The following SFMBT2 variants were observed in gnomAD, a reference collection of about 807,000 sequenced individuals.
The protein encoded by SFMBT2 is scm-like with four MBT domains protein 2.
SFMBT2 carries 38 observed loss-of-function variants against 110.1 expected under a neutral mutation model. That is an observed-to-expected ratio of 0.35 (90% confidence interval 0.27 to 0.45). The LOEUF is 0.45. Ranked by LOEUF, SFMBT2 falls within the 20% of genes least tolerant of loss-of-function variation. The pLI, the probability that SFMBT2 is intolerant of heterozygous loss-of-function variation, is 1.00. For missense variants in SFMBT2, 1,011 were observed against 1,094.9 expected (o/e 0.92, Z 1.08); for synonymous variants, 425 against 425.4 (o/e 1.00, Z 0.01).
chr10:7,233,425 C>T (rs1307972433), intron 9 of SFMBT2, among the ~76,000 whole-genome samples: 2 of 152,290 alleles, frequency 1.3e-5, no homozygotes, highest in South Asian at 2.1e-4. Context: ...GATCTCACTA[C>T]TGCAGAGCAA....
intron 4 of SFMBT2, among the ~76,000 whole-genome samples, chr10:7,358,094 C>A (rs965753109): frequency 6.0e-5 from 9 of 150,414 alleles, no homozygotes; most frequent in Middle Eastern, 3.4e-3. Flanking sequence ...TCTGCATGGC[C>A]CTGTGACATC....
intron 10 of SFMBT2, among the ~76,000 whole-genome samples, chr10:7,223,159 C>T (rs1839800463): frequency 6.6e-6 from 1 of 152,176 alleles, no homozygotes; most frequent in Admixed American, 6.5e-5. Context: ...AGAGATGGGA[C>T]CGCTAGACCA....
intron 1 of SFMBT2, among the ~76,000 whole-genome samples, chr10:7,388,659 A>G (rs924300889): frequency 6.6e-5 from 10 of 151,034 alleles, no homozygotes; most frequent in Non-Finnish European, 1.0e-4. Context: ...TATAGACATG[A>G]GCCACCACAC....
At chr10:7,174,831 A>C (rs1440431215) in intron 17 of SFMBT2, among the ~76,000 whole-genome samples, 2 of 152,214 alleles carry the variant, frequency 1.3e-5, no homozygotes, top group Non-Finnish European at 1.5e-5. Flanking sequence ...CTGCTGGGCC[A>C]ACACACCTGC....
chr10:7,344,735 G>C (rs1456131809), intron 4 of SFMBT2, among the ~76,000 whole-genome samples: 7 of 152,150 alleles, frequency 4.6e-5, no homozygotes, highest in Admixed American at 2.6e-4. Flanking sequence ...GGGAGGCCAA[G>C]AAGGGTGGAT....
intron 14 of SFMBT2, chr10:7,197,952 A>G (rs1715756773): frequency 2.0e-6 from 2 of 978,182 alleles, no homozygotes; most frequent in Non-Finnish European, 2.4e-6. Flanking sequence ...AAAACAGATG[A>G]TTTTCTTCTT....
intron 4 of SFMBT2, among the ~76,000 whole-genome samples, chr10:7,350,902 TCCCTTGGTAGTAGCCACACA>T (rs1844292902): frequency 6.6e-6 from 1 of 152,194 alleles, no homozygotes; most frequent in Non-Finnish European, 1.5e-5. Flanking sequence ...GGCTGGCAAT[TCCCTTGGTAGTAGCCACACA>T]CCCTCTGGAT....
At chr10:7,393,024 T>C (rs1300787917) in intron 1 of SFMBT2, among the ~76,000 whole-genome samples, 2 of 71,000 alleles carry the variant, frequency 2.8e-5, no homozygotes, top group South Asian at 3.7e-4. Context: ...TATATATATA[T>C]ATATATATAT....
In SFMBT2 at chr10:7,173,142, G is replaced by A. The variant is rs546549706; in HGVS notation, c.1985-481C>T. On this transcript the variant is annotated intron_variant, in intron 17 of 20. Transcript: ENST00000397167. ...CAGCTTCCAGGACTGTGGGAGGTAA[G>A]TGTGCGCAGTGAAAGCTCAGGGTCT... Among the ~76,000 whole-genome samples, 10 of 152,346 alleles carry A rather than the reference G, an allele frequency of 6.6e-5. No homozygotes were observed. The South Asian group carries it at 2.1e-3, about 32-fold the overall frequency.
chr10:7,230,136 C>T (rs1416403891), intron 9 of SFMBT2, among the ~76,000 whole-genome samples: 1 of 152,112 alleles, frequency 6.6e-6, no homozygotes, highest in Non-Finnish European at 1.5e-5. Context: ...CCATCAGTGG[C>T]AGGTCCCCTT....
At chr10:7,189,633 A>C (rs564251550) in intron 15 of SFMBT2, among the ~76,000 whole-genome samples, 39 of 152,332 alleles carry the variant, frequency 2.6e-4, no homozygotes, top group South Asian at 4.1e-4. Context: ...TATGGTGTGG[A>C]GTTTCATGAA....
chr10:7,379,206 G>T (rs757819676), intron 2 of SFMBT2, among the ~76,000 whole-genome samples: 29 of 152,102 alleles, frequency 1.9e-4, no homozygotes, highest in African/African-American at 7.0e-4. Flanking sequence ...CCTCCTGTAC[G>T]TGGGATGAGT....
intron 1 of SFMBT2, among the ~76,000 whole-genome samples, chr10:7,382,161 G>C (rs1001883972): frequency 2.6e-5 from 4 of 152,108 alleles, no homozygotes; most frequent in Non-Finnish European, 5.9e-5. Flanking sequence ...TGTAATCCTA[G>C]CACTTTGGGA....
At chr10:7,203,001 G>A (rs779822100) in intron 12 of SFMBT2, 40 of 985,208 alleles carry the variant, frequency 4.1e-5, no homozygotes, top group Non-Finnish European at 4.1e-5. Flanking sequence ...TCGCAAATAC[G>A]CCTGGTCAAA....
At chr10:7,180,276 C>T (rs1838206037) in intron 16 of SFMBT2, among the ~76,000 whole-genome samples, 2 of 150,982 alleles carry the variant, frequency 1.3e-5, no homozygotes, top group Non-Finnish European at 2.9e-5. Flanking sequence ...AGGTGCCCAC[C>T]ACCACGCCTA....
At chr10:7,227,183 A>G (rs1426454148) in intron 10 of SFMBT2, among the ~76,000 whole-genome samples, 1 of 152,228 alleles carries the variant, frequency 6.6e-6, no homozygotes, top group Non-Finnish European at 1.5e-5. Flanking sequence ...TGGACATCAA[A>G]GAAAGTATTA....
At chr10:7,361,786 A>G (rs1183309933) in intron 4 of SFMBT2, among the ~76,000 whole-genome samples, 1 of 152,208 alleles carries the variant, frequency 6.6e-6, no homozygotes, top group Admixed American at 6.5e-5. Context: ...ACTCATAAAT[A>G]CGTCTCCATT....
At chr10:7,297,963 A>G (rs1163365071) in intron 4 of SFMBT2, among the ~76,000 whole-genome samples, 2 of 152,154 alleles carry the variant, frequency 1.3e-5, no homozygotes, top group Non-Finnish European at 2.9e-5. Flanking sequence ...GCTGATGCAC[A>G]TTCTCCACTC....
intron 4 of SFMBT2, among the ~76,000 whole-genome samples, chr10:7,344,762 C>T (rs763477051): frequency 7.3e-5 from 11 of 151,724 alleles, no homozygotes; most frequent in South Asian, 2.1e-4. Flanking sequence ...GTCAGGAGAT[C>T]GAGACCACAG....
Sources: allele counts gnomAD v4.1 joint callset (sites outside exome capture counted in the v4.1 genomes callset), GRCh38; gene constraint gnomAD v4.1.1; transcripts MANE v1.5; gene names NCBI Gene and HGNC (gene_info 2026-07-23, HGNC 2026-07-21).